The following FRMD4A variants were observed in gnomAD, a reference collection of about 807,000 sequenced individuals.
FRMD4A encodes FERM domain containing 4A.
FRMD4A carries 29 observed loss-of-function variants against 129.1 expected under a neutral mutation model. That is an observed-to-expected ratio of 0.22 (90% CI 0.17 to 0.31). FRMD4A has a LOEUF of 0.31. Among genes scored for constraint, FRMD4A ranks in the 10% least tolerant of loss-of-function variants. The pLI is 1.00. For synonymous variants in FRMD4A, 634 were observed against 571.6 expected (o/e 1.11, Z -1.56); for missense variants, 1,272 against 1,375.8 (o/e 0.92, Z 1.19).
intron 2 of FRMD4A, among the ~76,000 whole-genome samples, chr10:14,328,046 A>T (rs1843348725): frequency 1.3e-5 from 2 of 152,164 alleles, no homozygotes; most frequent in South Asian, 2.1e-4. Flanking sequence ...TTAAAAAGGA[A>T]AAAAAATAGC....
intron 12 of FRMD4A, among the ~76,000 whole-genome samples, chr10:13,736,038 G>A (rs2090610480): frequency 6.6e-6 from 1 of 152,144 alleles, no homozygotes; most frequent in Non-Finnish European, 1.5e-5. Context: ...CTGTAATCCA[G>A]CTACTGGAAA....
intron 2 of FRMD4A, among the ~76,000 whole-genome samples, chr10:14,162,230 C>G (rs1452385205): frequency 1.3e-5 from 2 of 152,194 alleles, no homozygotes; most frequent in Non-Finnish European, 2.9e-5. Context: ...TTAGCGGCCA[C>G]CACACTAGAC....
chr10:14,328,077 A>T (rs1289135204), intron 2 of FRMD4A, among the ~76,000 whole-genome samples: 1 of 152,138 alleles, frequency 6.6e-6, no homozygotes, highest in African/African-American at 2.4e-5. Flanking sequence ...ATAGGGGAAA[A>T]TTTCCCTGAA....
At chr10:14,227,073 A>G (rs1266084568) in intron 2 of FRMD4A, among the ~76,000 whole-genome samples, 1 of 151,990 alleles carries the variant, frequency 6.6e-6, no homozygotes, top group Non-Finnish European at 1.5e-5. Flanking sequence ...AGGGCTGCAC[A>G]TGCCCGCAAG....
chr10:13,692,923 G>GTGCAGTCACTGCTCAC (rs2085851775), intron 15 of FRMD4A: 1 of 152,122 alleles, frequency 6.6e-6, no homozygotes, highest in South Asian at 2.1e-4. Context: ...TTGGAGGGCA[G>GTGCAGTCACTGCTCAC]TGCAGTCACT....
intron 2 of FRMD4A, among the ~76,000 whole-genome samples, chr10:13,990,651 C>T (rs2446586): frequency 1 from 152,279 of 152,350 alleles, 76,104 homozygotes; most frequent in Middle Eastern, 1. Context: ...ATCTGCTTCC[C>T]GGACTCTGAG....
intron 3 of FRMD4A, among the ~76,000 whole-genome samples, chr10:13,828,358 C>T (rs1347013990): frequency 1.3e-5 from 2 of 152,306 alleles, no homozygotes; most frequent in South Asian, 2.1e-4. Flanking sequence ...CCACACTCCA[C>T]GTCCACGTGT....
At chr10:13,900,185 G>T (rs1006115331) in intron 2 of FRMD4A, among the ~76,000 whole-genome samples, 3 of 152,180 alleles carry the variant, frequency 2.0e-5, no homozygotes, top group Non-Finnish European at 4.4e-5. Context: ...CCTGTCATGT[G>T]TGGCCTGCGA....
intron 2 of FRMD4A, among the ~76,000 whole-genome samples, chr10:14,239,830 G>A (rs1218404): frequency 0.63 from 96,203 of 152,064 alleles, 31,492 homozygotes; most frequent in South Asian, 0.75. Flanking sequence ...TGTTTGCTCA[G>A]CTGAAAGCAT....
At chr10:13,915,295 A>C in intron 2 of FRMD4A, among the ~76,000 whole-genome samples, 1 of 152,056 alleles carries the variant, frequency 6.6e-6, no homozygotes, top group East Asian at 1.9e-4. Flanking sequence ...AGCGAACTGG[A>C]GCACGGTTTT....
At chr10:14,002,362 C>T (rs974069566) in intron 2 of FRMD4A, among the ~76,000 whole-genome samples, 7 of 152,080 alleles carry the variant, frequency 4.6e-5, no homozygotes, top group African/African-American at 4.8e-5. Flanking sequence ...CTTAGAGTTC[C>T]GAATAAATAA....
chr10:13,655,203 C>G (rs996175464), intron 22 of FRMD4A: 8 of 152,188 alleles, frequency 5.3e-5, no homozygotes, highest in African/African-American at 1.9e-4. Context: ...GGAATCCTTT[C>G]CATCAGTAAA....
At chr10:14,049,053 C>G (rs1834133281) in intron 2 of FRMD4A, among the ~76,000 whole-genome samples, 1 of 152,118 alleles carries the variant, frequency 6.6e-6, no homozygotes, top group Admixed American at 6.5e-5. Flanking sequence ...ACTCCAGAGG[C>G]TTGGAGAATC....
At chr10:14,122,260 A>T (rs769704515) in intron 2 of FRMD4A, among the ~76,000 whole-genome samples, 1 of 152,228 alleles carries the variant, frequency 6.6e-6, no homozygotes, top group Non-Finnish European at 1.5e-5. Flanking sequence ...AATTACAACA[A>T]GACTGACTTC....
chr10:13,884,194 A>ACACTCACACACACT (rs2094587770), intron 2 of FRMD4A, among the ~76,000 whole-genome samples: 1 of 79,850 alleles, frequency 1.3e-5, no homozygotes, highest in African/African-American at 4.5e-5. Context: ...ACACACACAC[A>ACACTCACACACACT]CTCACACACA....
intron 2 of FRMD4A, among the ~76,000 whole-genome samples, chr10:14,020,931 AG>A (rs1396574187): frequency 6.6e-6 from 1 of 152,180 alleles, no homozygotes; most frequent in Non-Finnish European, 1.5e-5. Flanking sequence ...TCTAGGGGCA[AG>A]GCAAGGGATG....
At chr10:13,647,559 T>C (rs1193216681) in intron 24 of FRMD4A, 1 of 152,140 alleles carries the variant, frequency 6.6e-6, no homozygotes, top group Admixed American at 6.5e-5. Flanking sequence ...TGGAAGAACA[T>C]TCAAAATGTG....
At chr10:13,884,634 T>G (rs1217660845) in intron 2 of FRMD4A, among the ~76,000 whole-genome samples, 1 of 152,152 alleles carries the variant, frequency 6.6e-6, no homozygotes, top group Admixed American at 6.5e-5. Flanking sequence ...TTCTCTACCT[T>G]AATGTTCCAG....
At chr10:14,282,652 A>G (rs978463271) in intron 2 of FRMD4A, among the ~76,000 whole-genome samples, 1 of 152,174 alleles carries the variant, frequency 6.6e-6, no homozygotes, top group Admixed American at 6.5e-5. Context: ...GATTTAAAGC[A>G]AAATAAACTA....
Sources: gnomAD v4.1 joint callset for allele counts (sites outside exome capture counted in the v4.1 genomes callset) on GRCh38, gnomAD v4.1.1 for gene constraint, MANE v1.5 for transcripts, NCBI Gene and HGNC (gene_info 2026-07-23, HGNC 2026-07-21) for gene names.